The following EPG5 variants were observed in gnomAD, a reference collection of about 807,000 sequenced individuals.
EPG5 encodes ectopic P granules protein 5 homolog.
A neutral mutation model predicts 302.7 loss-of-function variants in EPG5; 159 were observed. The observed-to-expected ratio is 0.53, with a 90% CI of 0.46 to 0.60. EPG5 has a LOEUF of 0.60. EPG5 is among the 20% of genes least tolerant of loss of function. The probability of loss-of-function intolerance (pLI) is 0.00; values close to 1 mark genes in which losing one functional copy is unlikely to be tolerated. For missense variants in EPG5, 2,896 were observed against 3,092.4 expected (o/e 0.94, Z 1.51); for synonymous variants, 1,158 against 1,136.8 (o/e 1.02, Z -0.37).
chr18:45,928,880 G>A lies in EPG5; in HGVS notation c.2542C>T (p.Gln848Ter), dbSNP rs1411600924. The A allele has an allele frequency of 2.5e-6, 4 of 1,613,208 alleles. No homozygotes were observed. Among genetic ancestry groups the A allele is most frequent in the Non-Finnish European group, 8.5e-7 (1 of 1,179,756 alleles). Residue 848 changes from glutamine to a stop codon, truncating the protein, a stop_gained, in exon 13 of 44, where the codon CAG becomes TAG. Transcript: ENST00000282041. LOFTEE classifies it high-confidence loss of function. Reference protein sequence around the residue: ...LLDRVQETIDQVGMVSLYLFK... With the variant: ...LLDRVQETID ...ATCAGTGCTCTTACCATTCCAACCT[G>A]GTCAATGGTCTCTTGAACTCTATCC...
At chr18:45,885,037 A>G (rs1293765439) in intron 29 of EPG5, among the ~76,000 whole-genome samples, 1 of 152,196 alleles carries the variant, frequency 6.6e-6, no homozygotes, top group Admixed American at 6.5e-5. Context: ...TGGACAAGTC[A>G]CACAGAAAAT....
the EPG5 span, chr18:45,837,516 C>G: frequency 5.4e-6 from 8 of 1,495,112 alleles, no homozygotes; most frequent in Non-Finnish European, 6.2e-6. Flanking sequence ...CCCTCAGGCT[C>G]GCCAGCGCAG....
At chr18:45,909,110 T>C (rs2049830586) in intron 23 of EPG5, among the ~76,000 whole-genome samples, 1 of 152,184 alleles carries the variant, frequency 6.6e-6, no homozygotes, top group African/African-American at 2.4e-5. Context: ...GGCCTGACTT[T>C]ACTCAATAAA....
chr18:45,841,396 G>A, the EPG5 span, among the ~76,000 whole-genome samples: 2 of 152,184 alleles, frequency 1.3e-5, no homozygotes, highest in African/African-American at 4.8e-5. Context: ...ATTTCTGGAG[G>A]GTGGACGGGA....
chr18:45,943,920 C>CA (rs879151617), intron 8 of EPG5, 85 bp downstream of exon 8: 50,318 of 636,034 alleles, frequency 0.079, 1 homozygote, highest in South Asian at 0.096. Context: ...GACTCCATCT[C>CA]AAAAAAAAAA....
At chr18:45,890,831 C>A (rs1341598177) in intron 27 of EPG5, among the ~76,000 whole-genome samples, 1 of 152,110 alleles carries the variant, frequency 6.6e-6, no homozygotes, top group Non-Finnish European at 1.5e-5. Flanking sequence ...GACAGAGATA[C>A]AGGAAGGAGG....
intron 35 of EPG5, among the ~76,000 whole-genome samples, chr18:45,873,745 C>G (rs1361068687): frequency 6.6e-6 from 1 of 151,966 alleles, no homozygotes; most frequent in Non-Finnish European, 1.5e-5. Context: ...CAAAAAGAAG[C>G]AAAGAATAAC....
rs985449190 is a variant in EPG5 at position 45,847,649 on chromosome 18, T to C, written c.*4818A>G. The stretch of plus-strand genomic sequence containing the variant: ...TCTAGTTTATTTGCAGAATTTTACT[T>C]AACCAGTTGTCATTTCTTCCTGTTT... On this transcript the variant is annotated 3_prime_UTR_variant, in exon 44 of 44. Transcript: ENST00000282041. The C allele has an allele frequency of 6.6e-5, 10 of 152,632 alleles. No individual in the cohort carries two copies. Among genetic ancestry groups the C allele is most frequent in the Non-Finnish European group, 5.9e-5 (4 of 68,032 alleles). 9.5% of individuals were successfully genotyped at this position (152,632 alleles called of 1,614,324 possible).
chr18:45,930,128 C>T (rs1333045640), intron 12 of EPG5, among the ~76,000 whole-genome samples: 1 of 152,186 alleles, frequency 6.6e-6, no homozygotes, highest in East Asian at 1.9e-4. Context: ...TCCACCTTCA[C>T]GGATGGCTCA....
chr18:45,847,171 C>T (rs369878680), downstream of EPG5, among the ~76,000 whole-genome samples: 11 of 152,332 alleles, frequency 7.2e-5, no homozygotes, highest in East Asian at 9.6e-4. Context: ...TTCTCCACAC[C>T]TTGGCCCATT....
chr18:45,860,084 G>GT lies in EPG5; in HGVS notation c.7009+19dup, dbSNP rs745580662. On this transcript the variant is annotated intron_variant, in intron 40 of 43. Coordinates refer to ENST00000282041, the MANE Select transcript of EPG5 (RefSeq NM_020964.3). Reference sequence around the variant, plus strand: ...CTGGAAAAGACCAATACAATGGAGCGTAAGATGACCTCCTCTTACTTTCTT... The same window carrying GT: ...CTGGAAAAGACCAATACAATGGAGCGTTAAGATGACCTCCTCTTACTTTCTT... The GT allele has an allele frequency of 1.2e-6, 2 of 1,613,848 alleles. No homozygotes were observed. Among genetic ancestry groups the GT allele is most frequent in the South Asian group, 1.1e-5 (1 of 91,050 alleles).
the EPG5 span, among the ~76,000 whole-genome samples, chr18:45,820,934 G>A: frequency 3.9e-3 from 590 of 152,282 alleles, 2 homozygotes; most frequent in African/African-American, 0.014. Context: ...CCAGGACAAC[G>A]TACATGAGGT....
chr18:45,924,708 G>A (rs1036735130), intron 14 of EPG5, among the ~76,000 whole-genome samples: 5 of 152,190 alleles, frequency 3.3e-5, no homozygotes, highest in African/African-American at 7.2e-5. Context: ...CACTGAGTAC[G>A]TAATGTGTGG....
At position 45,851,327 on chromosome 18, in the gene EPG5, GA is replaced by G. The variant is rs1568087501; in HGVS notation, c.*1139del. 1 of 152,152 alleles carries G rather than the reference GA, an allele frequency of 6.6e-6. No individual in the cohort carries two copies. Among genetic ancestry groups the G allele is most frequent in the Non-Finnish European group, 1.5e-5 (1 of 68,022 alleles). 9.4% of individuals were successfully genotyped at this position (152,152 alleles called of 1,614,324 possible). On this transcript the variant is annotated 3_prime_UTR_variant, in exon 44 of 44. Coordinates refer to ENST00000282041, the MANE Select transcript of EPG5 (RefSeq NM_020964.3). ...GAAGTCAAACTGCTCATTCCCAGGA[GA>G]AATAACATGAGCAAGAAGATGGCCA...
chr18:45,889,350 G>A (rs1380998390), intron 28 of EPG5, among the ~76,000 whole-genome samples: 2 of 152,184 alleles, frequency 1.3e-5, no homozygotes, highest in African/African-American at 4.8e-5. Flanking sequence ...AAATAATTGT[G>A]CTATGAACTT....
chr18:45,818,645 C>T, the EPG5 span, among the ~76,000 whole-genome samples: 1 of 151,740 alleles, frequency 6.6e-6, no homozygotes, highest in African/African-American at 2.4e-5. Flanking sequence ...ACAAAAGAAA[C>T]TAGTCCTTAT....
chr18:45,845,805 G>T (rs987931457), downstream of EPG5, among the ~76,000 whole-genome samples: 11 of 152,222 alleles, frequency 7.2e-5, no homozygotes, highest in African/African-American at 2.7e-4. Context: ...TTTGAAGACA[G>T]CAGTGAGAGG....
chr18:45,886,269 T>C (rs893025082), intron 29 of EPG5, among the ~76,000 whole-genome samples: 6 of 152,236 alleles, frequency 3.9e-5, no homozygotes, highest in South Asian at 2.1e-4. Context: ...CTCAGCCTGA[T>C]TGCAGCAAAA....
At chr18:45,842,421 GTC>G in the EPG5 span, 1 of 549,452 alleles carries the variant, frequency 1.8e-6, no homozygotes, top group Admixed American at 3.2e-5. Flanking sequence ...ATGTGCATAC[GTC>G]TGTGTGTGTG....
Sources: gnomAD v4.1 joint callset for allele counts (sites outside exome capture counted in the v4.1 genomes callset) on GRCh38, gnomAD v4.1.1 for gene constraint, MANE v1.5 for transcripts, NCBI Gene and HGNC (gene_info 2026-07-23, HGNC 2026-07-21) for gene names.